GNAL: variants seen among roughly 807,000 people sequenced by gnomAD.
GNAL encodes guanine nucleotide-binding protein G(olf) subunit alpha.
Under a neutral mutation model 55.1 loss-of-function variants are expected in GNAL, and 18 were observed. That is an observed-to-expected ratio of 0.33 (90% CI 0.23 to 0.48). GNAL has a LOEUF of 0.48. Ranked by LOEUF, GNAL falls within the 20% of genes least tolerant of loss-of-function variation. The pLI, the probability that GNAL is intolerant of heterozygous loss-of-function variation, is 0.99. For missense variants in GNAL, 412 were observed against 614.1 expected (o/e 0.67, Z 3.48); for synonymous variants, 253 against 237.0 (o/e 1.07, Z -0.62).
At chr18:11,834,041 T>TTG (rs1568048812) in intron 5 of GNAL, among the ~76,000 whole-genome samples, 2 of 152,116 alleles carry the variant, frequency 1.3e-5, no homozygotes, top group African/African-American at 4.8e-5. Flanking sequence ...CAGAACCAAA[T>TTG]GCAATTTATA....
At chr18:11,792,188 C>T (rs573136750) in intron 4 of GNAL, among the ~76,000 whole-genome samples, 1 of 151,988 alleles carries the variant, frequency 6.6e-6, no homozygotes, top group Admixed American at 6.6e-5. Context: ...TCCCTCCTTC[C>T]TTCCCTCCCT....
chr18:11,703,128 C>CA, intron 1 of GNAL, among the ~76,000 whole-genome samples: 1 of 152,134 alleles, frequency 6.6e-6, no homozygotes, highest in South Asian at 2.1e-4. Context: ...AAAAACAAAA[C>CA]AAACAAACAA....
intron 4 of GNAL, among the ~76,000 whole-genome samples, chr18:11,778,420 C>G (rs971153921): frequency 2.0e-5 from 3 of 152,124 alleles, no homozygotes; most frequent in African/African-American, 7.2e-5. Context: ...AGCGAGCATC[C>G]CCTAGGTCCC....
rs560000874 is a variant in GNAL, at chr18:11,740,075, G to GTATTTATT, written c.377-12758_377-12751dup. ...CTAGAGTCCTCCCTTTTCTATTTATGTATTTATTTATTTATTTATTTATTT... is the reference window on the plus strand; with the variant it reads ...CTAGAGTCCTCCCTTTTCTATTTATGTATTTATTTATTTATTTATTTATTTATTTATTT... On this transcript the variant is annotated intron_variant, in intron 1 of 11. Transcript: ENST00000334049. Among the ~76,000 whole-genome samples the GTATTTATT allele has an allele frequency of 6.1e-4, 92 of 151,792 alleles. 1 individual carries two copies. Among genetic ancestry groups the GTATTTATT allele is most frequent in the African/African-American group, 2.0e-3 (83 of 41,332 alleles).
chr18:11,794,104 T>C (rs1225025571), intron 4 of GNAL, among the ~76,000 whole-genome samples: 1 of 151,826 alleles, frequency 6.6e-6, no homozygotes, highest in Non-Finnish European at 1.5e-5. Context: ...AAATAACAAG[T>C]GTTGGAAAGG....
chr18:11,709,011 C>A (rs2031777360), intron 1 of GNAL, among the ~76,000 whole-genome samples: 1 of 152,270 alleles, frequency 6.6e-6, no homozygotes, highest in African/African-American at 2.4e-5. Context: ...CAATTTCATT[C>A]TTTTGCATCT....
intron 8 of GNAL, among the ~76,000 whole-genome samples, chr18:11,867,879 C>T (rs1419156593): frequency 6.6e-6 from 1 of 151,210 alleles, no homozygotes; most frequent in Non-Finnish European, 1.5e-5. Flanking sequence ...AATCCCAGCA[C>T]TTTGGGAGGC....
intron 4 of GNAL, among the ~76,000 whole-genome samples, chr18:11,822,832 T>C (rs376537443): frequency 0.061 from 9,213 of 150,828 alleles, 410 homozygotes; most frequent in African/African-American, 0.12. Context: ...TTTTTTTTTT[T>C]TTTTTTTGAC....
intron 4 of GNAL, chr18:11,810,402 C>G (rs1318437107): frequency 6.6e-6 from 1 of 152,384 alleles, no homozygotes; most frequent in Non-Finnish European, 1.5e-5. Flanking sequence ...CTCAAAAAAA[C>G]CCTTGTTGGT....
At chr18:11,856,863 G>C (rs5018699) in intron 5 of GNAL, among the ~76,000 whole-genome samples, 20,261 of 152,156 alleles carry the variant, frequency 0.13, 2,023 homozygotes, top group African/African-American at 0.28. Flanking sequence ...ACCCAGGAGG[G>C]GGAAGTTGCT....
intron 1 of GNAL, 45 bp downstream of exon 1, chr18:11,689,984 G>A (rs2031186399): frequency 3.5e-6 from 4 of 1,145,860 alleles, no homozygotes; most frequent in South Asian, 4.0e-5. Context: ...GGGACAGCGC[G>A]CCGGGCCCGC....
chr18:11,767,145 C>T (rs1017112153), intron 4 of GNAL, among the ~76,000 whole-genome samples: 15 of 152,166 alleles, frequency 9.9e-5, no homozygotes, highest in African/African-American at 3.6e-4. Context: ...TGCACACTTG[C>T]ATTCTGTGCA....
chr18:11,845,771 G>A (rs1029054246), intron 5 of GNAL, among the ~76,000 whole-genome samples: 2 of 121,316 alleles, frequency 1.6e-5, no homozygotes, highest in Non-Finnish European at 3.9e-5. Context: ...GAAGAGAAAA[G>A]AGAGAGAGAG....
At chr18:11,785,388 A>G (rs954099163) in intron 4 of GNAL, among the ~76,000 whole-genome samples, 6 of 152,320 alleles carry the variant, frequency 3.9e-5, no homozygotes, top group African/African-American at 1.2e-4. Flanking sequence ...TATGCCTCCA[A>G]GCCCCCAATA....
intron 5 of GNAL, among the ~76,000 whole-genome samples, chr18:11,835,716 C>T (rs185127982): frequency 4.9e-4 from 74 of 152,254 alleles, no homozygotes; most frequent in Admixed American, 2.0e-3. Flanking sequence ...AAATGTAAGA[C>T]GTGTGTGTCA....
intron 4 of GNAL, among the ~76,000 whole-genome samples, chr18:11,766,908 C>G (rs1196396412): frequency 6.6e-6 from 1 of 152,162 alleles, no homozygotes; most frequent in Non-Finnish European, 1.5e-5. Context: ...TGGCTAATAA[C>G]CTGGGATGGC....
intron 5 of GNAL, among the ~76,000 whole-genome samples, chr18:11,845,182 A>G (rs1192605553): frequency 6.6e-6 from 1 of 152,194 alleles, no homozygotes; most frequent in African/African-American, 2.4e-5. Context: ...TTTAACTTAT[A>G]GATTGTAAGC....
rs1447867382 is a variant in GNAL at position 11,769,030 on chromosome 18, TTATATATAATATATAA to T, written c.624+15101_624+15116del. Among the ~76,000 whole-genome samples, 15 of 88,130 alleles carry T rather than the reference TTATATATAATATATAA, an allele frequency of 1.7e-4. 1 individual carries two copies. The highest frequency in any genetic ancestry group is 4.9e-3 in the Middle Eastern group (1 of 204). 57.8% of individuals were successfully genotyped at this position (88,130 alleles called of 152,430 possible). On this transcript the variant is annotated intron_variant, in intron 4 of 11. Coordinates refer to ENST00000334049, the MANE Select transcript of GNAL (RefSeq NM_182978.4). ...TATATATATTCTATATTATAATATA[TTATATATAATATATAA>T]TATATATAATATATATTATAATATA...
intron 4 of GNAL, among the ~76,000 whole-genome samples, chr18:11,792,356 T>G (rs1413887112): frequency 6.6e-6 from 1 of 152,172 alleles, no homozygotes; most frequent in East Asian, 1.9e-4. Context: ...TGGCTAATTT[T>G]TGCATTTTTA....
Sources: allele counts gnomAD v4.1 joint callset (sites outside exome capture counted in the v4.1 genomes callset), GRCh38; gene constraint gnomAD v4.1.1; transcripts MANE v1.5; gene names NCBI Gene and HGNC (gene_info 2026-07-23, HGNC 2026-07-21).